The following ARHGEF10L variants were observed in gnomAD, a reference collection of about 807,000 sequenced individuals.
ARHGEF10L encodes rho guanine nucleotide exchange factor 10-like protein.
In ARHGEF10L, 69 loss-of-function variants were observed where a neutral mutation model predicts 141.2. That is an observed-to-expected ratio of 0.49 (90% CI 0.40 to 0.60). ARHGEF10L has a LOEUF of 0.60. Among genes scored for constraint, ARHGEF10L ranks in the 20% least tolerant of loss-of-function variants. The pLI is 0.00. For synonymous variants in ARHGEF10L, 711 were observed against 718.5 expected, an observed-to-expected ratio of 0.99 and a Z score of 0.17; for missense variants, 1,482 against 1,734.3, an observed-to-expected ratio of 0.85 and a Z score of 2.58.
intron 26 of ARHGEF10L, among the ~76,000 whole-genome samples, chr1:17,678,001 G>GTGAGC (rs542644781): frequency 2.1e-4 from 32 of 152,228 alleles, no homozygotes; most frequent in South Asian, 4.2e-4. Context: ...GGGGCTGCGG[G>GTGAGC]TGAGCTGAGC....
rs77845532 is a variant in ARHGEF10L, at chr1:17,697,204, C to T, written c.3664C>T (p.Arg1222Cys). 8.0e-4 allele frequency: 1,293 copies of T among 1,612,004 alleles called. 10 individuals carry two copies. In the African/African-American group the frequency reaches 0.012, roughly 15 times the overall value. Reference sequence around the variant, plus strand: ...GGCCGACGACCCCGACATCTGGGTGCGCAGCCGGCCCTGCGCCCGCGACGC... The same window carrying T: ...GGCCGACGACCCCGACATCTGGGTGTGCAGCCGGCCCTGCGCCCGCGACGC... ...EMADDPDIWV[R>C]SRPCARDAHR... The change falls in exon 29 of 29, where the codon CGC becomes TGC. Residue 1222 changes from arginine to cysteine, a missense_variant. Around this residue, in one of 3 missense-constraint regions of ARHGEF10L, gnomAD observed 858 missense variants for 966.3 expected, o/e 0.89. Coordinates refer to ENST00000361221, the MANE Select transcript of ARHGEF10L (RefSeq NM_018125.4). The surrounding 1 kb of genome is among the most constrained non-coding windows in gnomAD (Gnocchi z 4.8).
At chr1:17,584,220 T>C (rs998877796) in intron 2 of ARHGEF10L, among the ~76,000 whole-genome samples, 1 of 152,066 alleles carries the variant, frequency 6.6e-6, no homozygotes, top group Non-Finnish European at 1.5e-5. Context: ...AATTTTCTCA[T>C]TTTTAGTAGA....
chr1:17,513,652 G>A, the ARHGEF10L span, among the ~76,000 whole-genome samples: 1 of 152,174 alleles, frequency 6.6e-6, no homozygotes, highest in Non-Finnish European at 1.5e-5. Context: ...AATCAAAAAT[G>A]TTTGCAGGAT....
chr1:17,605,670 G>A (rs1406733040), intron 6 of ARHGEF10L, among the ~76,000 whole-genome samples: 1 of 152,182 alleles, frequency 6.6e-6, no homozygotes. Context: ...TTCACACCCT[G>A]CTGTCTGCAC....
At chr1:17,525,515 T>C in the ARHGEF10L span, among the ~76,000 whole-genome samples, 1 of 152,066 alleles carries the variant, frequency 6.6e-6, no homozygotes, top group African/African-American at 2.4e-5. Context: ...GTTCTAGTCT[T>C]GTTCCTGGTG....
At chr1:17,559,690 T>A (rs1260896832) in intron 1 of ARHGEF10L, among the ~76,000 whole-genome samples, 2 of 152,170 alleles carry the variant, frequency 1.3e-5, no homozygotes, top group African/African-American at 4.8e-5. Context: ...CCTTTTCCCT[T>A]AGTTGCCCTC....
chr1:17,576,852 C>T (rs139635598), intron 1 of ARHGEF10L, among the ~76,000 whole-genome samples: 1 of 152,340 alleles, frequency 6.6e-6, no homozygotes, highest in East Asian at 1.9e-4. Context: ...GCACCAAATC[C>T]TATCCTCTAA....
intron 2 of ARHGEF10L, among the ~76,000 whole-genome samples, chr1:17,581,063 C>G (rs2078502503): frequency 6.6e-6 from 1 of 151,722 alleles, no homozygotes; most frequent in Admixed American, 6.6e-5. Flanking sequence ...GCCTGTAATC[C>G]CAGCACTTTG....
upstream of ARHGEF10L, among the ~76,000 whole-genome samples, chr1:17,535,498 G>A (rs555282979): frequency 6.6e-6 from 1 of 152,172 alleles, no homozygotes; most frequent in Admixed American, 6.6e-5. Flanking sequence ...GGGGCCCTGG[G>A]TCCCCATCTT....
upstream of ARHGEF10L, among the ~76,000 whole-genome samples, chr1:17,538,205 C>T (rs1022632832): frequency 6.6e-5 from 10 of 152,202 alleles, no homozygotes; most frequent in Non-Finnish European, 1.0e-4. Context: ...TGGTCCAAAG[C>T]TTAATGCCAT....
chr1:17,668,861 C>T (rs574293936), intron 26 of ARHGEF10L, among the ~76,000 whole-genome samples: 2 of 152,344 alleles, frequency 1.3e-5, no homozygotes, highest in Admixed American at 1.3e-4. Context: ...TCCACCTTGG[C>T]GCTGGAGATC....
chr1:17,651,898 A>G (rs2061958779), intron 22 of ARHGEF10L, among the ~76,000 whole-genome samples: 1 of 151,890 alleles, frequency 6.6e-6, no homozygotes, highest in Non-Finnish European at 1.5e-5. Flanking sequence ...CCACCCCACC[A>G]CCAGTCCAGA....
intron 1 of ARHGEF10L, among the ~76,000 whole-genome samples, chr1:17,574,066 A>G (rs191181852): frequency 6.6e-6 from 1 of 152,182 alleles, no homozygotes; most frequent in East Asian, 1.9e-4. Context: ...CCCTTGCCAG[A>G]TTCTGCAGCT....
At position 17,664,481 on chromosome 1, in the gene ARHGEF10L, G is replaced by T; in HGVS notation, c.2895G>T (p.Val965=). 6.2e-7 allele frequency: 1 copy of T among 1,606,714 alleles called. No homozygotes were observed. Residue 965 remains valine (V), a synonymous_variant, in exon 26 of 29, where the codon GTG becomes GTT. Coordinates refer to ENST00000361221, the MANE Select transcript of ARHGEF10L (RefSeq NM_018125.4). The part of the protein sequence containing the change: ...GVLWDLESPP[V]CLTVGPGPVR... The stretch of plus-strand genomic sequence containing the variant: ...TGTGGGACCTGGAGAGCCCTCCCGT[G>T]TGCCTGACTGTGGGGCCCGGGCCTG...
chr1:17,674,148 T>C (rs182551548), intron 26 of ARHGEF10L, among the ~76,000 whole-genome samples: 389 of 152,290 alleles, frequency 2.6e-3, no homozygotes, highest in Middle Eastern at 3.4e-3. Flanking sequence ...TTGGCTTCTC[T>C]CTCTCCTTTG....
chr1:17,660,434 G>A (rs1391102264), intron 25 of ARHGEF10L, among the ~76,000 whole-genome samples: 1 of 152,208 alleles, frequency 6.6e-6, no homozygotes, highest in African/African-American at 2.4e-5. Flanking sequence ...GGTTGTGAAG[G>A]GTAGACATGG....
At chr1:17,612,446 G>C (rs2059596766) in intron 7 of ARHGEF10L, among the ~76,000 whole-genome samples, 2 of 151,912 alleles carry the variant, frequency 1.3e-5, no homozygotes, top group African/African-American at 4.8e-5. Flanking sequence ...ATTTATCTGT[G>C]CATCTATTCA....
At chr1:17,685,305 A>C (rs2064474435) in intron 26 of ARHGEF10L, among the ~76,000 whole-genome samples, 1 of 152,204 alleles carries the variant, frequency 6.6e-6, no homozygotes, top group African/African-American at 2.4e-5. Context: ...CATGGATTCC[A>C]AGGTGGCCTG....
chr1:17,546,260 C>G (rs2076911659), intron 1 of ARHGEF10L, among the ~76,000 whole-genome samples: 1 of 152,194 alleles, frequency 6.6e-6, no homozygotes, highest in African/African-American at 2.4e-5. Flanking sequence ...ATGTTAATAT[C>G]AAGCACAAAA....
Sources: allele counts gnomAD v4.1 joint callset (sites outside exome capture counted in the v4.1 genomes callset), GRCh38; gene constraint gnomAD v4.1.1; regional missense constraint gnomAD v4.1.1; non-coding constraint Gnocchi (gnomAD v3.1); transcripts MANE v1.5; gene names NCBI Gene and HGNC (gene_info 2026-07-23, HGNC 2026-07-21).